GOT1: variants seen among roughly 807,000 people sequenced by gnomAD.
GOT1 encodes the protein aspartate aminotransferase, cytoplasmic.
Under a neutral mutation model 48.2 loss-of-function variants are expected in GOT1, and 25 were observed. The ratio of observed to expected loss-of-function variants is 0.52; its 90% CI spans 0.38 to 0.72. The LOEUF (loss-of-function observed/expected upper bound fraction) is 0.72, where lower values mean the gene tolerates loss of function less well. Among genes scored for constraint, GOT1 ranks in the 30% least tolerant of loss-of-function variants. GOT1 has a pLI of 0.00. For synonymous variants in GOT1, 188 were observed against 193.8 expected (o/e 0.97, Z 0.25); for missense variants, 380 against 520.1 (o/e 0.73, Z 2.62).
At chr10:99,413,384 T>C (rs1230276098) in intron 2 of GOT1, among the ~76,000 whole-genome samples, 3 of 152,012 alleles carry the variant, frequency 2.0e-5, no homozygotes, top group African/African-American at 7.3e-5. Flanking sequence ...AAGAGAAGTT[T>C]AGAGAAAAAA....
intron 8 of GOT1, among the ~76,000 whole-genome samples, chr10:99,399,648 C>T (rs1026764752): frequency 1.3e-5 from 2 of 152,060 alleles, no homozygotes; most frequent in Admixed American, 6.6e-5. Context: ...TGGCACACAC[C>T]TGTGGTCCCA....
intron 8 of GOT1, among the ~76,000 whole-genome samples, chr10:99,402,154 C>G (rs575543601): frequency 6.6e-6 from 1 of 152,156 alleles, no homozygotes; most frequent in Non-Finnish European, 1.5e-5. Context: ...TTTGTAATCT[C>G]TTTTTGAGGA....
chr10:99,404,745 C>T (rs1354763279), intron 5 of GOT1, among the ~76,000 whole-genome samples: 6 of 152,122 alleles, frequency 3.9e-5, no homozygotes, highest in Non-Finnish European at 5.9e-5. Flanking sequence ...TCAGTGGCTC[C>T]GCACTGCCCT....
At chr10:99,424,674 T>G (rs191544127) in intron 1 of GOT1, among the ~76,000 whole-genome samples, 150 of 152,332 alleles carry the variant, frequency 9.8e-4, no homozygotes, top group African/African-American at 3.3e-3. Flanking sequence ...TGTGAAACTC[T>G]AAAATTCCAA....
intron 7 of GOT1, among the ~76,000 whole-genome samples, chr10:99,402,930 G>A (rs1029811578): frequency 6.6e-6 from 1 of 152,220 alleles, no homozygotes; most frequent in Admixed American, 6.5e-5. Context: ...TTACTAGTGA[G>A]TCTAGTGCTA....
intron 2 of GOT1, among the ~76,000 whole-genome samples, chr10:99,409,347 G>T (rs2032802750): frequency 6.6e-6 from 1 of 151,930 alleles, no homozygotes; most frequent in African/African-American, 2.4e-5. Flanking sequence ...TGGTCAGGCT[G>T]CTCTCCAACT....
At chr10:99,398,011 C>A (rs574605662) in intron 8 of GOT1, among the ~76,000 whole-genome samples, 1 of 152,172 alleles carries the variant, frequency 6.6e-6, no homozygotes, top group South Asian at 2.1e-4. Flanking sequence ...AACCATCAGA[C>A]GGACAGCGAT....
rs565140144 is a variant in GOT1, at chr10:99,397,372, G to A, written c.*175C>T. On this transcript the variant is annotated 3_prime_UTR_variant, in exon 9 of 9. Transcript: ENST00000370508. This position sits in a 1 kb window ranked among gnomAD's most constrained non-coding sequence, Gnocchi z 5.4. ...GGCTCTAATCCCAGTCTCCAAATTCGTCTCAAGGGATGTTCTCTTCATGTG... is the reference window on the plus strand; with the variant it reads ...GGCTCTAATCCCAGTCTCCAAATTCATCTCAAGGGATGTTCTCTTCATGTG... The A allele has an allele frequency of 4.4e-5, 29 of 661,242 alleles. No homozygotes were observed. The highest frequency in any genetic ancestry group is 1.8e-4 in the East Asian group (7 of 39,940). The allele number at this position is 661,242 out of a possible 1,614,324, so 41.0% of individuals were successfully genotyped here.
At chr10:99,424,450 T>A (rs1222938967) in intron 1 of GOT1, among the ~76,000 whole-genome samples, 4 of 152,124 alleles carry the variant, frequency 2.6e-5, no homozygotes, top group Non-Finnish European at 5.9e-5. Context: ...GGATACTAGG[T>A]AGATGCAAAA....
intron 2 of GOT1, among the ~76,000 whole-genome samples, chr10:99,419,268 G>A (rs188140567): frequency 4.3e-4 from 65 of 152,336 alleles, no homozygotes; most frequent in Non-Finnish European, 1.3e-4. Context: ...GGTTTAAACT[G>A]TGCAATTCCC....
chr10:99,423,478 C>T lies in GOT1; in HGVS notation c.119-2673G>A, dbSNP rs1363288128. 2.0e-5 allele frequency among the ~76,000 whole-genome samples: 3 copies of T among 152,146 alleles called. No individual in the cohort carries two copies. In the East Asian group the frequency reaches 5.8e-4, roughly 29 times the overall value. The stretch of plus-strand genomic sequence containing the variant: ...TTGAATGATCAGCTAACTCTACCCT[C>T]CAGGAATATGTCATCTGCAAATCTG... On this transcript the variant is annotated intron_variant, in intron 1 of 8. Coordinates refer to ENST00000370508, the MANE Select transcript of GOT1 (RefSeq NM_002079.3).
intron 7 of GOT1, 111 bp from the exon 8 acceptor site, chr10:99,402,833 C>A (rs927814700): frequency 4.7e-6 from 4 of 859,654 alleles, no homozygotes; most frequent in Non-Finnish European, 7.5e-6. Flanking sequence ...GGGATCATAA[C>A]CTGCCTATTA....
intron 8 of GOT1, among the ~76,000 whole-genome samples, chr10:99,399,694 G>T (rs1331068388): frequency 6.6e-6 from 1 of 152,106 alleles, no homozygotes; most frequent in East Asian, 1.9e-4. Context: ...GATTGCTTGG[G>T]CCTGGGAGGT....
At chr10:99,401,390 C>G (rs376696854) in intron 8 of GOT1, among the ~76,000 whole-genome samples, 1 of 152,194 alleles carries the variant, frequency 6.6e-6, no homozygotes, top group Non-Finnish European at 1.5e-5. Context: ...CCACTTCACA[C>G]TGGCACTGTG....
chr10:99,403,692 G>T (rs2032716737), intron 6 of GOT1, 32 bp downstream of exon 6: 1 of 1,613,538 alleles, frequency 6.2e-7, no homozygotes, highest in Non-Finnish European at 8.5e-7. Context: ...ATGCGAGGAG[G>T]TGGGGCTGTA....
At chr10:99,406,667 T>C in intron 3 of GOT1, 59 bp downstream of exon 3, 2 of 1,547,216 alleles carry the variant, frequency 1.3e-6, no homozygotes, top group Non-Finnish European at 1.8e-6. Context: ...CCAGGGAGAG[T>C]CATGAGGATA....
intron 2 of GOT1, 108 bp downstream of exon 2, chr10:99,420,516 A>G (rs1399299053): frequency 6.2e-6 from 5 of 803,070 alleles, no homozygotes; most frequent in East Asian, 2.6e-5. Context: ...ACACTTATTC[A>G]TTGGCAGTTC....
intron 2 of GOT1, among the ~76,000 whole-genome samples, chr10:99,414,084 A>C (rs1303359026): frequency 6.6e-6 from 1 of 152,348 alleles, no homozygotes; most frequent in East Asian, 1.9e-4. Context: ...AAATTCACAC[A>C]TAACAATATT....
At chr10:99,404,531 A>G (rs2032728569) in intron 5 of GOT1, among the ~76,000 whole-genome samples, 1 of 151,960 alleles carries the variant, frequency 6.6e-6, no homozygotes, top group Non-Finnish European at 1.5e-5. Flanking sequence ...CAGAGCTCCC[A>G]AATCCTTTTG....
Sources: allele counts gnomAD v4.1 joint callset (sites outside exome capture counted in the v4.1 genomes callset), GRCh38; gene constraint gnomAD v4.1.1; non-coding constraint Gnocchi (gnomAD v3.1); transcripts MANE v1.5; gene names NCBI Gene and HGNC (gene_info 2026-07-23, HGNC 2026-07-21).